Variants in PIEZO1 observed in about 807,000 individuals in gnomAD.
PIEZO1 encodes the protein piezo-type mechanosensitive ion channel component 1.
A neutral mutation model predicts 297.2 loss-of-function variants in PIEZO1; 296 were observed. The observed-to-expected ratio is 1.00, with a 90% CI of 0.91 to 1.10. PIEZO1 has a LOEUF of 1.10. PIEZO1 is among the 50% of genes least tolerant of loss of function. The pLI is 0.00. For missense variants in PIEZO1, 5,018 were observed against 3,455.5 expected, an observed-to-expected ratio of 1.45 and a Z score of -11.34; for synonymous variants, 2,427 against 1,507.5, an observed-to-expected ratio of 1.61 and a Z score of -14.13.
At chr16:88,724,019 C>G in intron 30 of PIEZO1, 48 bp from the exon 31 acceptor site, 1 of 1,141,304 alleles carries the variant, frequency 8.8e-7, no homozygotes, top group South Asian at 1.3e-5. Flanking sequence ...AGGGAGACTC[C>G]CAGCCAGACC....
intron 1 of PIEZO1, among the ~76,000 whole-genome samples, chr16:88,755,157 A>G (rs879592341): frequency 1.3e-5 from 2 of 152,216 alleles, no homozygotes; most frequent in Non-Finnish European, 2.9e-5. Flanking sequence ...TGTCACCTCC[A>G]CATTGCAGAC....
chr16:88,723,371 T>A, intron 31 of PIEZO1, 43 bp from the exon 32 acceptor site: 1 of 1,534,024 alleles, frequency 6.5e-7, no homozygotes, highest in Non-Finnish European at 8.7e-7. Flanking sequence ...TCCCGAGCCA[T>A]CAGACCCAGG....
rs1018225357 is a variant in PIEZO1, at chr16:88,715,998, C to T, written c.7251G>A (p.Leu2417=). The part of the protein sequence containing the change: ...ELQECRTDCN[L]LPMVIFSDKV... ...TGTCACTGAAAATGACCATGGGCAG[C>T]AGGTTGCAGTCGGTCCGGCACTCCT... Residue 2417 remains leucine (L), a synonymous_variant, in exon 50 of 51, where the codon CTG becomes CTA. Coordinates refer to ENST00000301015, the MANE Select transcript of PIEZO1 (RefSeq NM_001142864.4). The T allele has an allele frequency of 7.7e-6, 12 of 1,550,090 alleles. No individual in the cohort carries two copies. The highest frequency in any genetic ancestry group is 1.0e-5 in the Non-Finnish European group (12 of 1,146,912).
chr16:88,763,963 TGG>T, intron 1 of PIEZO1, among the ~76,000 whole-genome samples: 1 of 152,068 alleles, frequency 6.6e-6, no homozygotes, highest in Non-Finnish European at 1.5e-5. Context: ...GGGTCAGGTG[TGG>T]TTGGAAGCCC....
intron 1 of PIEZO1, among the ~76,000 whole-genome samples, chr16:88,776,545 G>A (rs2932690): frequency 0.65 from 99,555 of 152,056 alleles, 32,822 homozygotes; most frequent in Middle Eastern, 0.79. Flanking sequence ...GCCTTTGGGC[G>A]GCTCCTATGT....
intron 1 of PIEZO1, among the ~76,000 whole-genome samples, chr16:88,778,305 G>C (rs539614409): frequency 7.2e-5 from 11 of 152,302 alleles, no homozygotes; most frequent in East Asian, 5.8e-4. Flanking sequence ...GAAACCACAG[G>C]GGGTGGCTGA....
intron 2 of PIEZO1, among the ~76,000 whole-genome samples, chr16:88,749,031 A>G (rs1378886779): frequency 2.0e-5 from 3 of 150,352 alleles, no homozygotes; most frequent in Admixed American, 6.6e-5. Context: ...AGGTCAGGAG[A>G]TCGAGACCAT....
Position 88,768,042 on chromosome 16 carries a change from A to C in PIEZO1, c.64+16859T>G, listed in dbSNP as rs560593390. On this transcript the variant is annotated intron_variant, in intron 1 of 50. Transcript: ENST00000301015. The stretch of plus-strand genomic sequence containing the variant: ...GGGACCCCGTGGACCAGACCCCTTA[A>C]AGCAGAGGTCTGCAAAGTGGGACCC... 2.8e-3 allele frequency among the ~76,000 whole-genome samples: 419 copies of C among 152,226 alleles called. 7 individuals carry two copies. The highest frequency in any genetic ancestry group is 9.4e-3 in the African/African-American group (391 of 41,540).
intron 2 of PIEZO1, among the ~76,000 whole-genome samples, chr16:88,747,601 G>A (rs566347747): frequency 2.6e-4 from 39 of 152,308 alleles, no homozygotes; most frequent in African/African-American, 8.9e-4. Flanking sequence ...GCCAGATGTC[G>A]CGAGGCCGGA....
At chr16:88,771,157 G>C (rs547103231) in intron 1 of PIEZO1, among the ~76,000 whole-genome samples, 1 of 152,302 alleles carries the variant, frequency 6.6e-6, no homozygotes, top group Admixed American at 6.5e-5. Flanking sequence ...AAAATCAACC[G>C]TGCGAAAGGC....
intron 30 of PIEZO1, among the ~76,000 whole-genome samples, chr16:88,724,593 C>A (rs949766414): frequency 1.1e-4 from 17 of 151,276 alleles, no homozygotes; most frequent in Non-Finnish European, 1.8e-4. Context: ...ACTTGGGAGG[C>A]TGAGGCAGGA....
At chr16:88,780,564 G>A (rs949269134) in intron 1 of PIEZO1, among the ~76,000 whole-genome samples, 1 of 152,224 alleles carries the variant, frequency 6.6e-6, no homozygotes, top group Non-Finnish European at 1.5e-5. Flanking sequence ...GGGATACTGT[G>A]CTGGCTTCTA....
At position 88,732,660 on chromosome 16, in the gene PIEZO1, G is replaced by T; in HGVS notation, c.2737C>A (p.Pro913Thr). ...QSLLYRGPVDPANWFGVRKGF... is the reference protein window; with the variant it reads ...QSLLYRGPVDTANWFGVRKGF... ...TTCCGCACCCCAAACCAGTTGGCAG[G>T]GTCCACGGGCCCCCGGTACAGCAGG... The change falls in exon 20 of 51, where the codon CCT becomes ACT. Residue 913 changes from proline (P) to threonine (T), a missense_variant. Pro to Thr is a conservative substitution (Grantham distance 38, BLOSUM62 -1). Coordinates refer to ENST00000301015, the MANE Select transcript of PIEZO1 (RefSeq NM_001142864.4). 6.5e-7 allele frequency: 1 copy of T among 1,549,688 alleles called. No homozygotes were observed. The highest frequency in any genetic ancestry group is 8.7e-7 in the Non-Finnish European group (1 of 1,146,546).
At chr16:88,771,663 G>A (rs55835136) in intron 1 of PIEZO1, among the ~76,000 whole-genome samples, 1,576 of 152,360 alleles carry the variant, frequency 0.01, 19 homozygotes, top group African/African-American at 0.035. Context: ...CCATAGGGAG[G>A]TGCTGGGTGG....
rs1485036513 is a variant in PIEZO1 at position 88,716,451 on chromosome 16, G to A, written c.6959C>T (p.Ala2320Val). 2.6e-6 allele frequency: 4 copies of A among 1,549,594 alleles called. No homozygotes were observed. Among genetic ancestry groups the A allele is most frequent in the Non-Finnish European group, 3.5e-6 (4 of 1,146,580 alleles). The change falls in exon 48 of 51, where the codon GCC becomes GTC. Residue 2320 changes from alanine to valine, a missense_variant. Coordinates refer to ENST00000301015, the MANE Select transcript of PIEZO1 (RefSeq NM_001142864.4). ...DLAKGGTVEY[A>V]NEKHMLALAP... ...CAGGGCCAGCATGTGCTTCTCGTTG[G>A]CATACTCCACAGTGCCTCCCTTCGC...
At position 88,738,423 on chromosome 16, in the gene PIEZO1, C is replaced by A; in HGVS notation, c.652G>T (p.Ala218Ser). 1 of 1,535,798 alleles carries A rather than the reference C, an allele frequency of 6.5e-7. No individual in the cohort carries two copies. Among genetic ancestry groups the A allele is most frequent in the African/African-American group, 1.4e-5 (1 of 73,170 alleles). Residue 218 changes from alanine (A) to serine (S), a missense_variant, in exon 7 of 51, where the codon GCC becomes TCC. Coordinates refer to ENST00000301015, the MANE Select transcript of PIEZO1 (RefSeq NM_001142864.4). ...AGCAGCAGGTAGACACTGGAGAGGG[C>A]CGAGGGGTGGGCGATGCCTGCGGGG... ...LALAGIAHPS[A>S]LSSVYLLLFL... is the part of the protein sequence containing the mutation.
Position 88,746,532 on chromosome 16 carries a change from C to T in PIEZO1, c.160+2852G>A, listed in dbSNP as rs187246783. Reference sequence around the variant, plus strand: ...TCCAGCCCCCCAAGGATCAGGCTGACGCCTACAAGGGGACCAAGGCTCAGA... The same window carrying T: ...TCCAGCCCCCCAAGGATCAGGCTGATGCCTACAAGGGGACCAAGGCTCAGA... On this transcript the variant is annotated intron_variant, in intron 2 of 50. Coordinates refer to ENST00000301015, the MANE Select transcript of PIEZO1 (RefSeq NM_001142864.4). Among the ~76,000 whole-genome samples, 466 of 152,258 alleles carry T rather than the reference C, an allele frequency of 3.1e-3. 2 individuals are homozygous for T. The highest frequency in any genetic ancestry group is 0.01 in the African/African-American group (431 of 41,534).
At position 88,732,431 on chromosome 16, in the gene PIEZO1, G is replaced by C. The variant is rs778612620; in HGVS notation, c.2895C>G (p.Ala965=). 1.3e-6 allele frequency: 2 copies of C among 1,549,724 alleles called. No individual in the cohort carries two copies. Among genetic ancestry groups the C allele is most frequent in the Non-Finnish European group, 1.7e-6 (2 of 1,146,526 alleles). Residue 965 remains alanine (A), a synonymous_variant, in exon 21 of 51, where the codon GCC becomes GCG. Transcript: ENST00000301015. ...QHQLAPLPAQ[A]VFASGTRQQL... ...GCTGGCGGGTGCCGCTGGCAAACAC[G>C]GCCTGGGCAGGCAGCGGGGCCAGCT...
At chr16:88,733,557 G>C (rs1329290036) in intron 18 of PIEZO1, 31 bp downstream of exon 18, 7 of 1,528,906 alleles carry the variant, frequency 4.6e-6, no homozygotes, top group Non-Finnish European at 5.3e-6. Flanking sequence ...CCCCACCCCA[G>C]ATGGGAAGCT....
Sources: allele counts gnomAD v4.1 joint callset (sites outside exome capture counted in the v4.1 genomes callset), GRCh38; gene constraint gnomAD v4.1.1; transcripts MANE v1.5; gene names NCBI Gene and HGNC (gene_info 2026-07-23, HGNC 2026-07-21).